Variants in PAGE4 observed in about 807,000 individuals in gnomAD.
The protein encoded by PAGE4 is PAGE family member 4.
Under a neutral mutation model 8.5 loss-of-function variants are expected in PAGE4, and 1 was observed. The observed-to-expected ratio is 0.12, with a 90% CI of 0.04 to 0.56. The LOEUF is 0.56. PAGE4 is among the 20% of genes least tolerant of loss of function. The pLI, the probability that PAGE4 is intolerant of heterozygous loss-of-function variation, is 0.91. For missense variants in PAGE4, 93 were observed against 82.7 expected (o/e 1.13, Z -0.49); for synonymous variants, 26 against 26.3 (o/e 0.99, Z 0.04).
chrX:49,830,718 T>C (rs1427753202), intron 2 of PAGE4: 1 of 432,605 alleles, frequency 2.3e-6, no homozygotes, highest in Non-Finnish European at 4.0e-6. Flanking sequence ...CTGGAAATAG[T>C]CTTATGACTT....
rs147290739 is a variant in PAGE4 at position 49,830,428 on chromosome X, G to C, written c.-1G>C. 8.4e-7 allele frequency: 1 copy of C among 1,189,084 alleles called. No homozygotes were observed. The highest frequency in any genetic ancestry group is 3.0e-5 in the East Asian group (1 of 33,521). On this transcript the variant is annotated 5_prime_UTR_variant, in exon 2 of 5. Coordinates refer to ENST00000218068, the MANE Select transcript of PAGE4 (RefSeq NM_007003.4). ...CAGTTCACGATCTTCTAGTTGCAGC[G>C]ATGAGTGCACGAGTGAGATCAAGAT...
chrX:49,833,828 G>C lies in PAGE4; in HGVS notation c.293-18G>C, dbSNP rs1490698513. On this transcript the variant is annotated intron_variant, in intron 4 of 4. Transcript: ENST00000218068. ...GTTCTGCTAAGTAATGAACTCAACT[G>C]TTATGTTTATATTTTAGGAGATGGG... 1.7e-6 allele frequency: 2 copies of C among 1,167,774 alleles called. No homozygotes were observed. The highest frequency in any genetic ancestry group is 1.8e-5 in the African/African-American group (1 of 56,366).
Position 49,832,483 on chromosome X carries a change from T to C in PAGE4, c.167-42T>C, listed in dbSNP as rs1309294001. 8 of 929,893 alleles carry C rather than the reference T, an allele frequency of 8.6e-6. 1 individual carries two copies. The African/African-American group carries it at 1.4e-4, about 16-fold the overall frequency. The allele number at this position is 929,893 out of a possible 1,213,427, so 76.6% of individuals were successfully genotyped here. ...TTTATTTAATAACACTAATTTATAATTTACTGCTTACTTATATCAATAACT... is the reference window on the plus strand; with the variant it reads ...TTTATTTAATAACACTAATTTATAACTTACTGCTTACTTATATCAATAACT... On this transcript the variant is annotated intron_variant, in intron 3 of 4. Transcript: ENST00000218068.
At chrX:49,831,132 A>G in intron 3 of PAGE4, 48 bp downstream of exon 3, 1 of 835,363 alleles carries the variant, frequency 1.2e-6, no homozygotes, top group South Asian at 2.3e-5. Context: ...ATGATTTTAT[A>G]CTAGTAACAG....
chrX:49,830,376 A>G lies in PAGE4; in HGVS notation c.-30-23A>G, dbSNP rs781839555. On this transcript the variant is annotated intron_variant, in intron 1 of 4. Coordinates refer to ENST00000218068, the MANE Select transcript of PAGE4 (RefSeq NM_007003.4). ...CAGATGGCCATGGAAAGAGTCAAGT[A>G]TAATTACTCCTTTTTATTGCAGTCT... The G allele has an allele frequency of 8.2e-6, 7 of 852,788 alleles. No individual in the cohort carries two copies. The South Asian group carries it at 1.2e-4, about 15-fold the overall frequency. 70.3% of individuals were successfully genotyped at this position (852,788 alleles called of 1,213,427 possible). A position where few individuals can be genotyped will look rare whatever the true frequency, so the allele number is the denominator to read the frequency against.
intron 4 of PAGE4, 105 bp from the exon 5 acceptor site, chrX:49,833,741 A>T: frequency 1.8e-6 from 1 of 555,445 alleles, no homozygotes; most frequent in Non-Finnish European, 3.0e-6. Context: ...TTCTGGTTTT[A>T]ATTTCATCTT....
At chrX:49,832,741 A>C in intron 4 of PAGE4, 91 bp downstream of exon 4, 1 of 830,965 alleles carries the variant, frequency 1.2e-6, no homozygotes, top group Admixed American at 3.3e-5. Context: ...TATTATTTGA[A>C]AGGTAGTTCA....
chrX:49,829,536 C>T (rs1398408980), intron 1 of PAGE4, 185 bp downstream of exon 1: 4 of 111,856 alleles, frequency 3.6e-5, no homozygotes, highest in African/African-American at 1.3e-4. Context: ...AGCCAAGATG[C>T]TGTGAGTTTT....
At chrX:49,832,028 T>C (rs996371668) in intron 3 of PAGE4, among the ~76,000 whole-genome samples, 2 of 112,145 alleles carry the variant, frequency 1.8e-5, no homozygotes, top group Admixed American at 9.5e-5. Flanking sequence ...TCTGGAAGTG[T>C]TCCTCAGTCT....
chrX:49,829,840 A>G (rs1923422431), intron 1 of PAGE4: 1 of 111,027 alleles, frequency 9.0e-6, no homozygotes, highest in Non-Finnish European at 1.9e-5. Flanking sequence ...AAGTGTGAAG[A>G]GGAGCTGGTG....
In PAGE4 at chrX:49,830,634, A is replaced by G. The variant is rs193098098; in HGVS notation, c.78+128A>G. 14 of 468,384 alleles carry G rather than the reference A, an allele frequency of 3.0e-5. No individual in the cohort carries two copies. In the East Asian group the frequency reaches 4.8e-4, roughly 16 times the overall value. 38.6% of individuals were successfully genotyped at this position (468,384 alleles called of 1,213,427 possible). On this transcript the variant is annotated intron_variant, in intron 2 of 4. Transcript: ENST00000218068. ...TCCCTGCTGAAAATAGTTGCAAACT[A>G]AATCACATTAATGAGACATTGAGCA...
rs138049675 is a variant in PAGE4 at position 49,829,879 on chromosome X, C to T, written c.-30-520C>T. ...TTCAGGAGGGTCGGGCAGCACAGTC[C>T]GTGGCCTCGGAGGAGGAAGGGCCTC... On this transcript the variant is annotated intron_variant, in intron 1 of 4. Coordinates refer to ENST00000218068, the MANE Select transcript of PAGE4 (RefSeq NM_007003.4). 839 of 112,670 alleles carry T rather than the reference C, an allele frequency of 7.4e-3. 9 individuals are homozygous for T. Among genetic ancestry groups the T allele is most frequent in the African/African-American group, 0.026 (813 of 30,747 alleles). 9.3% of individuals were successfully genotyped at this position (112,670 alleles called of 1,213,427 possible).
At chrX:49,830,548 A>G in intron 2 of PAGE4, 42 bp downstream of exon 2, 2 of 942,186 alleles carry the variant, frequency 2.1e-6, no homozygotes, top group Non-Finnish European at 3.0e-6. Flanking sequence ...GCAGAAATGT[A>G]TTTTTCTGAA....
At chrX:49,831,201 G>A in intron 3 of PAGE4, 117 bp downstream of exon 3, 1 of 503,129 alleles carries the variant, frequency 2.0e-6, no homozygotes, top group Non-Finnish European at 3.4e-6. Flanking sequence ...TCCTTGGTAA[G>A]GGAATAGTGT....
chrX:49,831,770 T>C (rs1043522567), intron 3 of PAGE4, among the ~76,000 whole-genome samples: 2 of 112,047 alleles, frequency 1.8e-5, no homozygotes, highest in Non-Finnish European at 3.8e-5. Flanking sequence ...GAGTTTCAAA[T>C]ATCACAACTG....
chrX:49,830,178 G>T, intron 1 of PAGE4: 1 of 306,549 alleles, frequency 3.3e-6, no homozygotes, highest in Non-Finnish European at 5.7e-6. Flanking sequence ...CTTTAGGAAA[G>T]ACCCCATGTT....
At chrX:49,830,585 T>C in intron 2 of PAGE4, 79 bp downstream of exon 2, 1 of 686,221 alleles carries the variant, frequency 1.5e-6, no homozygotes, top group Non-Finnish European at 2.2e-6. Context: ...TGTTAACCAA[T>C]ATAGATCTGT....
At chrX:49,830,850 A>G in intron 2 of PAGE4, 147 bp from the exon 3 acceptor site, 2 of 468,086 alleles carry the variant, frequency 4.3e-6, no homozygotes, top group South Asian at 3.4e-5. Context: ...ACTTTTCTTA[A>G]GAGTACTTAC....
chrX:49,831,479 G>A (rs1203169198), intron 3 of PAGE4: 1 of 131,279 alleles, frequency 7.6e-6, no homozygotes, highest in Non-Finnish European at 1.5e-5. Flanking sequence ...ATCTTACATA[G>A]CAATTTTTAG....
Sources: allele counts gnomAD v4.1 joint callset (sites outside exome capture counted in the v4.1 genomes callset), GRCh38; gene constraint gnomAD v4.1.1; transcripts MANE v1.5; gene names NCBI Gene and HGNC (gene_info 2026-07-23, HGNC 2026-07-21).